Variants in ACOXL observed in about 807,000 individuals in gnomAD.
ACOXL encodes the protein acyl-coenzyme A oxidase-like protein.
Under a neutral mutation model 71.9 loss-of-function variants are expected in ACOXL, and 70 were observed. That is an observed-to-expected ratio of 0.97 (90% CI 0.80 to 1.19). The LOEUF (loss-of-function observed/expected upper bound fraction) is 1.19. Ranked by LOEUF, ACOXL falls within the 50% of genes most tolerant of loss-of-function variation. The pLI is 0.00. For synonymous variants in ACOXL, 253 were observed against 281.6 expected (o/e 0.90, Z 1.02); for missense variants, 703 against 736.3 (o/e 0.95, Z 0.52).
chr2:111,025,039 A>G (rs189687013), intron 14 of ACOXL, among the ~76,000 whole-genome samples: 2 of 152,222 alleles, frequency 1.3e-5, no homozygotes, highest in East Asian at 3.9e-4. Flanking sequence ...TGTCACCCAC[A>G]AAGTTCCTTT....
At chr2:110,935,378 C>T (rs1209819854) in intron 12 of ACOXL, among the ~76,000 whole-genome samples, 3 of 152,188 alleles carry the variant, frequency 2.0e-5, no homozygotes, top group African/African-American at 7.2e-5. Flanking sequence ...CCCCTCTTGT[C>T]ATCCTAACCC....
chr2:110,951,903 C>A (rs1360226609), intron 12 of ACOXL, among the ~76,000 whole-genome samples: 1 of 152,182 alleles, frequency 6.6e-6, no homozygotes, highest in Non-Finnish European at 1.5e-5. Context: ...TTAGGGTTTT[C>A]TGCTCTGTGA....
chr2:110,800,532 A>C (rs1573576476), intron 7 of ACOXL, among the ~76,000 whole-genome samples: 1 of 147,604 alleles, frequency 6.8e-6, no homozygotes, highest in African/African-American at 2.5e-5. Flanking sequence ...TTTTGTGGGG[A>C]GGACACAATT....
chr2:110,885,335 A>G (rs1009820216), intron 10 of ACOXL, among the ~76,000 whole-genome samples: 2 of 152,212 alleles, frequency 1.3e-5, no homozygotes, highest in African/African-American at 4.8e-5. Flanking sequence ...ACTTCAAAAT[A>G]TACTTAATGA....
At chr2:110,850,973 T>C (rs560796310) in intron 10 of ACOXL, among the ~76,000 whole-genome samples, 2 of 152,292 alleles carry the variant, frequency 1.3e-5, no homozygotes, top group East Asian at 1.9e-4. Flanking sequence ...GAGATACTAC[T>C]CAGCAATAAA....
intron 12 of ACOXL, among the ~76,000 whole-genome samples, chr2:110,977,084 C>G (rs918672233): frequency 1.1e-4 from 17 of 151,968 alleles, no homozygotes; most frequent in African/African-American, 3.9e-4. Context: ...TATTTAAAAC[C>G]ATTAAAAAAT....
chr2:111,008,040 A>G (rs147138085), intron 14 of ACOXL, among the ~76,000 whole-genome samples: 2 of 152,352 alleles, frequency 1.3e-5, no homozygotes, highest in Non-Finnish European at 2.9e-5. Context: ...CTGGTGAGAG[A>G]CACATTTACT....
rs2061991813 is a variant in ACOXL at position 110,967,669 on chromosome 2, A to G, written c.1060-19439A>G. Among the ~76,000 whole-genome samples, 2 of 152,238 alleles carry G rather than the reference A, an allele frequency of 1.3e-5. 1 individual carries two copies. The highest frequency in any genetic ancestry group is 4.1e-4 in the South Asian group (2 of 4,834). On this transcript the variant is annotated intron_variant, in intron 12 of 17. Transcript: ENST00000439055. ...AAACCTGAAAGAAATGAAAGGAGAA[A>G]TAGACAAATCAACAATTATAGTTGG... is the stretch of plus-strand genomic sequence containing the variant.
intron 10 of ACOXL, among the ~76,000 whole-genome samples, chr2:110,856,575 T>G (rs1466162703): frequency 6.6e-6 from 1 of 151,744 alleles, no homozygotes. Context: ...AAAGAAGGAG[T>G]CTTCTACCTG....
At chr2:110,774,061 A>T (rs1682327463) in intron 2 of ACOXL, among the ~76,000 whole-genome samples, 1 of 152,202 alleles carries the variant, frequency 6.6e-6, no homozygotes, top group African/African-American at 2.4e-5. Flanking sequence ...TTTTCAATCT[A>T]AGCCTTCATT....
chr2:111,064,311 C>T (rs1176593284), intron 16 of ACOXL, among the ~76,000 whole-genome samples: 2 of 152,028 alleles, frequency 1.3e-5, no homozygotes, highest in East Asian at 1.9e-4. Flanking sequence ...TGGCGGGCAC[C>T]TGTAGTCCCG....
intron 17 of ACOXL, among the ~76,000 whole-genome samples, chr2:111,111,027 A>C (rs73954922): frequency 0.12 from 15,933 of 132,976 alleles, 1,172 homozygotes; most frequent in African/African-American, 0.21. Context: ...TTCCTTCTTG[A>C]GTATGTTTGC....
intron 16 of ACOXL, among the ~76,000 whole-genome samples, chr2:111,070,653 A>T (rs1428413426): frequency 1.4e-5 from 2 of 148,110 alleles, no homozygotes; most frequent in African/African-American, 4.9e-5. Context: ...AATAAAAGTT[A>T]AAAAAAAAAG....
intron 16 of ACOXL, among the ~76,000 whole-genome samples, chr2:111,081,537 G>A (rs533778380): frequency 6.6e-6 from 1 of 152,212 alleles, no homozygotes; most frequent in South Asian, 2.1e-4. Context: ...CAAACAAATG[G>A]AAAAACATTC....
intron 2 of ACOXL, among the ~76,000 whole-genome samples, chr2:110,773,545 C>G (rs1222099167): frequency 6.6e-6 from 1 of 152,282 alleles, no homozygotes; most frequent in South Asian, 2.1e-4. Flanking sequence ...AGACTGTGAC[C>G]GCTGTACTCC....
At chr2:111,025,589 C>G (rs902237988) in intron 14 of ACOXL, among the ~76,000 whole-genome samples, 3 of 152,094 alleles carry the variant, frequency 2.0e-5, no homozygotes, top group African/African-American at 7.2e-5. Flanking sequence ...TGTTTATTTG[C>G]TATTCATTTT....
At chr2:111,072,222 T>C (rs1317695374) in intron 16 of ACOXL, among the ~76,000 whole-genome samples, 3 of 152,240 alleles carry the variant, frequency 2.0e-5, no homozygotes, top group Admixed American at 2.0e-4. Flanking sequence ...TCCTTTATGC[T>C]ATGGCTCCAT....
At chr2:110,859,642 G>A (rs998496728) in intron 10 of ACOXL, among the ~76,000 whole-genome samples, 5 of 152,186 alleles carry the variant, frequency 3.3e-5, no homozygotes, top group African/African-American at 1.2e-4. Flanking sequence ...GGTGAAACCC[G>A]ATTCCATTTC....
chr2:111,027,102 G>T (rs2065048529), intron 14 of ACOXL, among the ~76,000 whole-genome samples: 1 of 151,974 alleles, frequency 6.6e-6, no homozygotes, highest in South Asian at 2.1e-4. Context: ...TCACCATGTT[G>T]CCCAGGCTGG....
Sources: allele counts gnomAD v4.1 joint callset (sites outside exome capture counted in the v4.1 genomes callset), GRCh38; gene constraint gnomAD v4.1.1; transcripts MANE v1.5; gene names NCBI Gene and HGNC (gene_info 2026-07-23, HGNC 2026-07-21).